Variants in LRRC7 observed in about 807,000 individuals in gnomAD.
LRRC7 encodes leucine-rich repeat-containing protein 7.
A neutral mutation model predicts 175.7 loss-of-function variants in LRRC7; 23 were observed. The ratio of observed to expected loss-of-function variants is 0.13; its 90% confidence interval spans 0.09 to 0.19. LRRC7 has a LOEUF of 0.19. LRRC7 is among the 10% of genes least tolerant of loss of function. The probability of loss-of-function intolerance (pLI) is 1.00; values close to 1 mark genes in which losing one functional copy is unlikely to be tolerated. For missense variants in LRRC7, 1,354 were observed against 1,904.7 expected (o/e 0.71, Z 5.38); for synonymous variants, 685 against 680.9 (o/e 1.01, Z -0.09).
intron 4 of LRRC7, among the ~76,000 whole-genome samples, chr1:69,820,002 T>C (rs1046523851): frequency 1.3e-5 from 2 of 152,164 alleles, no homozygotes; most frequent in Non-Finnish European, 2.9e-5. Context: ...TGTCTTTTCA[T>C]TAGATTATTT....
chr1:69,767,847 A>G (rs947227503), intron 3 of LRRC7, among the ~76,000 whole-genome samples: 8 of 152,170 alleles, frequency 5.3e-5, no homozygotes, highest in African/African-American at 1.7e-4. Flanking sequence ...ATTTTTAACA[A>G]TATTACACTC....
intron 10 of LRRC7, among the ~76,000 whole-genome samples, chr1:69,992,314 G>A (rs898158981): frequency 6.6e-6 from 1 of 152,070 alleles, no homozygotes; most frequent in Non-Finnish European, 1.5e-5. Flanking sequence ...ATATGTGTGT[G>A]TAGTTAAAAT....
chr1:69,847,374 G>T (rs374908426), intron 7 of LRRC7, among the ~76,000 whole-genome samples: 1 of 152,042 alleles, frequency 6.6e-6, no homozygotes, highest in African/African-American at 2.4e-5. Flanking sequence ...GTGGTCTCAG[G>T]TATTACCTCT....
chr1:70,079,786 G>A (rs1472525188), intron 24 of LRRC7, among the ~76,000 whole-genome samples: 1 of 152,164 alleles, frequency 6.6e-6, no homozygotes, highest in Non-Finnish European at 1.5e-5. Context: ...ATGCCCTGCT[G>A]TCACCATCTT....
rs2102026931 is a variant in LRRC7 at position 70,038,926 on chromosome 1, A to G, written c.3102A>G (p.Arg1034=). The G allele has an allele frequency of 1.2e-6, 2 of 1,613,990 alleles. No homozygotes were observed. Among genetic ancestry groups the G allele is most frequent in the East Asian group, 4.5e-5 (2 of 44,804 alleles). Residue 1034 remains arginine (R), a synonymous_variant, in exon 21 of 27, where the codon CGA becomes CGG. Transcript: ENST00000651989. ...GPEHGMSSMS[R]SQSVPMLDDE... ...AGCATGGTATGTCCAGTATGTCTCG[A>G]AGCCAGTCAGTCCCAATGCTGGATG... is the stretch of plus-strand genomic sequence containing the variant.
At chr1:69,957,762 T>G (rs968006983) in intron 8 of LRRC7, among the ~76,000 whole-genome samples, 1 of 151,958 alleles carries the variant, frequency 6.6e-6, no homozygotes, top group Non-Finnish European at 1.5e-5. Context: ...ATGCAAGTTC[T>G]ACTTTAAAAG....
At chr1:70,097,321 C>T (rs756023484) in intron 25 of LRRC7, among the ~76,000 whole-genome samples, 1 of 152,130 alleles carries the variant, frequency 6.6e-6, no homozygotes, top group African/African-American at 2.4e-5. Context: ...TATAATGATG[C>T]GTTAGCCATT....
At chr1:69,574,032 G>A in intron 1 of LRRC7, among the ~76,000 whole-genome samples, 1 of 152,076 alleles carries the variant, frequency 6.6e-6, no homozygotes, top group East Asian at 1.9e-4. Context: ...TAACACAAGG[G>A]GATAGGTATG....
chr1:70,091,339 T>A (rs1664016996), intron 25 of LRRC7, among the ~76,000 whole-genome samples: 1 of 152,160 alleles, frequency 6.6e-6, no homozygotes, highest in Admixed American at 6.6e-5. Flanking sequence ...AAACCTCAAA[T>A]CATTATGTCT....
intron 7 of LRRC7, among the ~76,000 whole-genome samples, chr1:69,923,098 G>C (rs376032277): frequency 6.6e-6 from 1 of 152,002 alleles, no homozygotes; most frequent in Non-Finnish European, 1.5e-5. Flanking sequence ...ATAGTTTATT[G>C]AGAATGATGA....
chr1:69,882,259 ACTG>A (rs974859736), intron 7 of LRRC7, among the ~76,000 whole-genome samples: 1 of 152,114 alleles, frequency 6.6e-6, no homozygotes, highest in African/African-American at 2.4e-5. Context: ...GAAAAGGTAA[ACTG>A]CTGAGAATGT....
intron 26 of LRRC7, among the ~76,000 whole-genome samples, chr1:70,120,575 T>C (rs889448429): frequency 6.6e-6 from 1 of 152,080 alleles, no homozygotes; most frequent in African/African-American, 2.4e-5. Flanking sequence ...AAAGCTAAAG[T>C]CACTGAAAGA....
At chr1:69,909,733 T>C (rs1401275502) in intron 7 of LRRC7, among the ~76,000 whole-genome samples, 3 of 152,036 alleles carry the variant, frequency 2.0e-5, no homozygotes, top group East Asian at 1.9e-4. Context: ...TTTGGTGAAC[T>C]TGACAATTAT....
In LRRC7 at chr1:69,849,281, C is replaced by G. The variant is rs1682713522; in HGVS notation, c.647+10998C>G. Among the ~76,000 whole-genome samples, 6 of 151,862 alleles carry G rather than the reference C, an allele frequency of 4.0e-5. No homozygotes were observed. In the South Asian group the frequency reaches 1.2e-3, roughly 31 times the overall value. The stretch of plus-strand genomic sequence containing the variant: ...ATAGGAATTGGTTAAAAAGTAGGAG[C>G]ATTATTTAGGAAATGTTCAGTGGCA... On this transcript the variant is annotated intron_variant, in intron 7 of 26. Transcript: ENST00000651989.
At chr1:69,667,195 A>G (rs939972364) in intron 1 of LRRC7, among the ~76,000 whole-genome samples, 1 of 151,946 alleles carries the variant, frequency 6.6e-6, no homozygotes, top group Non-Finnish European at 1.5e-5. Flanking sequence ...CATTTTTTGA[A>G]TGTTTTAAGA....
chr1:70,132,762 C>G lies in LRRC7; in HGVS notation c.*10875C>G, dbSNP rs1050105402. ...CGGGGATTACAGGCGTGAGACACCG[C>G]GCCCGGCCGTACTTTTCTTAAATAA... On this transcript the variant is annotated 3_prime_UTR_variant, in exon 27 of 27. Coordinates refer to ENST00000651989, the MANE Select transcript of LRRC7 (RefSeq NM_001370785.2). Among the ~76,000 whole-genome samples, 3 of 152,060 alleles carry G rather than the reference C, an allele frequency of 2.0e-5. No homozygotes were observed. Among genetic ancestry groups the G allele is most frequent in the African/African-American group, 7.2e-5 (3 of 41,410 alleles).
chr1:69,804,423 C>T (rs1158959261), intron 4 of LRRC7, among the ~76,000 whole-genome samples: 2 of 151,262 alleles, frequency 1.3e-5, no homozygotes, highest in African/African-American at 4.8e-5. Context: ...CTTCTTGGAA[C>T]ATTAAAAACA....
intron 2 of LRRC7, among the ~76,000 whole-genome samples, chr1:69,759,322 T>C (rs1048566465): frequency 1.3e-5 from 2 of 151,996 alleles, no homozygotes; most frequent in Non-Finnish European, 2.9e-5. Context: ...ATGAACAAAA[T>C]AATCACTGCC....
intron 18 of LRRC7, among the ~76,000 whole-genome samples, chr1:70,030,730 G>T (rs1287149176): frequency 6.6e-6 from 1 of 152,078 alleles, no homozygotes; most frequent in Non-Finnish European, 1.5e-5. Context: ...AAGAATAAAG[G>T]TAGGCATGAC....
Sources: allele counts gnomAD v4.1 joint callset (sites outside exome capture counted in the v4.1 genomes callset), GRCh38; gene constraint gnomAD v4.1.1; transcripts MANE v1.5; gene names NCBI Gene and HGNC (gene_info 2026-07-23, HGNC 2026-07-21).